SNX29: variants seen among roughly 807,000 people sequenced by gnomAD.
SNX29 encodes the protein sorting nexin 29.
Under a neutral mutation model 102.1 loss-of-function variants are expected in SNX29, and 78 were observed. That is an observed-to-expected ratio of 0.76 (90% CI 0.64 to 0.92). SNX29 has a LOEUF of 0.92. Among genes scored for constraint, SNX29 ranks in the 40% least tolerant of loss-of-function variants. The pLI, the probability that SNX29 is intolerant of heterozygous loss-of-function variation, is 0.00. For missense variants in SNX29, 1,280 were observed against 1,061.7 expected, an observed-to-expected ratio of 1.21 and a Z score of -2.86; for synonymous variants, 580 against 414.5, an observed-to-expected ratio of 1.40 and a Z score of -4.85.
intron 16 of SNX29, among the ~76,000 whole-genome samples, chr16:12,361,661 T>A (rs943125997): frequency 6.6e-6 from 1 of 152,178 alleles, no homozygotes. Context: ...CTTAAAAAAT[T>A]AAATTTTTGG....
chr16:12,198,749 T>C (rs1432188551), intron 13 of SNX29, among the ~76,000 whole-genome samples: 1 of 152,258 alleles, frequency 6.6e-6, no homozygotes, highest in East Asian at 1.9e-4. Flanking sequence ...ACACCGTATT[T>C]GTCCAACTCT....
chr16:12,501,281 G>A (rs550183060), intron 19 of SNX29, among the ~76,000 whole-genome samples: 19 of 152,226 alleles, frequency 1.2e-4, no homozygotes, highest in East Asian at 5.8e-4. Flanking sequence ...GTGTGCCCCT[G>A]TACCTTCAGC....
intron 20 of SNX29, chr16:12,526,679 G>T: frequency 2.0e-6 from 1 of 504,588 alleles, no homozygotes; most frequent in East Asian, 4.0e-5. Context: ...CGCATCGACT[G>T]AATTCCCTGG....
At chr16:12,516,630 AG>A (rs2089878718) in intron 19 of SNX29, among the ~76,000 whole-genome samples, 1 of 152,168 alleles carries the variant, frequency 6.6e-6, no homozygotes, top group Non-Finnish European at 1.5e-5. Flanking sequence ...ATATCTCTTA[AG>A]GGGGCTGAGC....
chr16:12,171,834 A>G (rs934829220), intron 13 of SNX29, among the ~76,000 whole-genome samples: 1 of 152,182 alleles, frequency 6.6e-6, no homozygotes, highest in Non-Finnish European at 1.5e-5. Flanking sequence ...CCCAATTGTT[A>G]GATTTGGTAG....
At chr16:12,223,987 C>T (rs780330168) in intron 14 of SNX29, among the ~76,000 whole-genome samples, 8 of 152,246 alleles carry the variant, frequency 5.3e-5, no homozygotes, top group Admixed American at 2.6e-4. Flanking sequence ...ATAATGGAGG[C>T]GAGAGTTCAG....
intron 11 of SNX29, among the ~76,000 whole-genome samples, chr16:12,079,301 C>G (rs2051745280): frequency 6.6e-6 from 1 of 152,216 alleles, no homozygotes; most frequent in Non-Finnish European, 1.5e-5. Context: ...TTAAACTTTG[C>G]TAATGATCAG....
chr16:12,565,239 A>G (rs2078948768), intron 20 of SNX29, among the ~76,000 whole-genome samples: 2 of 152,144 alleles, frequency 1.3e-5, no homozygotes, highest in Admixed American at 6.5e-5. Flanking sequence ...GCTGTTCTCA[A>G]TCTATAAAGA....
In SNX29 at chr16:12,571,571, T is replaced by TCTTC. The variant is rs932791794; in HGVS notation, c.*2943_*2946dup. Reference sequence around the variant, plus strand: ...GAAGAATCCACACCGAATCCTTCTGTCTTCATGGCCTGCTGTGCTGAAACA... The same window carrying TCTTC: ...GAAGAATCCACACCGAATCCTTCTGTCTTCCTTCATGGCCTGCTGTGCTGAAACA... On this transcript the variant is annotated 3_prime_UTR_variant, in exon 21 of 21. Transcript: ENST00000566228. 2.9e-5 allele frequency: 30 copies of TCTTC among 1,033,176 alleles called. No individual in the cohort carries two copies. The highest frequency in any genetic ancestry group is 3.3e-5 in the Non-Finnish European group (28 of 850,828). The allele number at this position is 1,033,176 out of a possible 1,614,324, so 64.0% of individuals were successfully genotyped here.
chr16:12,023,973 C>G (rs2057111029), intron 3 of SNX29, among the ~76,000 whole-genome samples: 1 of 152,160 alleles, frequency 6.6e-6, no homozygotes, highest in South Asian at 2.1e-4. Flanking sequence ...TCTGTAGCAA[C>G]CAGGCATGGT....
chr16:12,539,686 G>A (rs1214937330), intron 20 of SNX29, among the ~76,000 whole-genome samples: 4 of 152,200 alleles, frequency 2.6e-5, no homozygotes, highest in East Asian at 1.9e-4. Context: ...TCTGCACCCT[G>A]GGCAGCATGT....
chr16:12,557,974 C>G (rs948834086), intron 20 of SNX29, among the ~76,000 whole-genome samples: 1 of 150,128 alleles, frequency 6.7e-6, no homozygotes, highest in Admixed American at 6.6e-5. Flanking sequence ...GGGTCTTCTG[C>G]TTAAGATTTT....
At chr16:12,486,692 C>G (rs547547380) in intron 19 of SNX29, among the ~76,000 whole-genome samples, 1 of 152,230 alleles carries the variant, frequency 6.6e-6, no homozygotes, top group Non-Finnish European at 1.5e-5. Context: ...TGGACATTCA[C>G]ATTAACTCCC....
chr16:12,071,327 A>G (rs1314735789), intron 10 of SNX29, among the ~76,000 whole-genome samples: 1 of 152,110 alleles, frequency 6.6e-6, no homozygotes, highest in Non-Finnish European at 1.5e-5. Context: ...TCTTTAATCC[A>G]TCTTGAATTA....
At chr16:12,226,067 C>T (rs1022491302) in intron 14 of SNX29, among the ~76,000 whole-genome samples, 1 of 152,196 alleles carries the variant, frequency 6.6e-6, no homozygotes. Flanking sequence ...TCTGTTGTTC[C>T]ACTCTTTCCT....
chr16:12,128,951 C>T (rs558083107), intron 12 of SNX29, among the ~76,000 whole-genome samples: 2 of 152,258 alleles, frequency 1.3e-5, no homozygotes, highest in Admixed American at 6.5e-5. Context: ...TTATTTAAGA[C>T]CAGGGATGAC....
intron 1 of SNX29, among the ~76,000 whole-genome samples, chr16:11,987,981 T>C (rs994358327): frequency 3.3e-5 from 5 of 152,304 alleles, no homozygotes; most frequent in Middle Eastern, 3.4e-3. Context: ...TTTACCAGCA[T>C]TGGGGAATTT....
chr16:12,217,144 T>C (rs2077345618), intron 14 of SNX29, among the ~76,000 whole-genome samples: 1 of 152,206 alleles, frequency 6.6e-6, no homozygotes, highest in African/African-American at 2.4e-5. Flanking sequence ...TTCTCCCATC[T>C]CAGCCTCTGA....
In SNX29 at chr16:12,572,195, A is replaced by C; in HGVS notation, c.*3566A>C. The C allele has an allele frequency of 1.0e-6, 1 of 954,938 alleles. No individual in the cohort carries two copies. The highest frequency in any genetic ancestry group is 5.1e-5 in the South Asian group (1 of 19,722). 59.2% of individuals were successfully genotyped at this position (954,938 alleles called of 1,614,324 possible). Reference sequence around the variant, plus strand: ...GTAATTTCTTAGAACCATGGCAGGTAGTATTGTGCTTTAAAAACCAGAGGC... The same window carrying C: ...GTAATTTCTTAGAACCATGGCAGGTCGTATTGTGCTTTAAAAACCAGAGGC... On this transcript the variant is annotated 3_prime_UTR_variant, in exon 21 of 21. Transcript: ENST00000566228.
Sources: allele counts gnomAD v4.1 joint callset (sites outside exome capture counted in the v4.1 genomes callset), GRCh38; gene constraint gnomAD v4.1.1; transcripts MANE v1.5; gene names NCBI Gene and HGNC (gene_info 2026-07-23, HGNC 2026-07-21).